The following DSCAM variants were observed in gnomAD, a reference collection of about 807,000 sequenced individuals.
DSCAM encodes DS cell adhesion molecule, also known as cell adhesion molecule DSCAM.
DSCAM carries 47 observed loss-of-function variants against 217.7 expected under a neutral mutation model. The observed-to-expected ratio is 0.22, with a 90% CI of 0.17 to 0.28. The LOEUF (loss-of-function observed/expected upper bound fraction) is 0.28, where lower values mean the gene tolerates loss of function less well. DSCAM is among the 10% of genes least tolerant of loss of function. The pLI is 1.00. For synonymous variants in DSCAM, 1,056 were observed against 1,015.3 expected (o/e 1.04, Z -0.76); for missense variants, 2,080 against 2,618.3 (o/e 0.79, Z 4.49).
At chr21:40,046,922 T>C (rs192778232) in intron 30 of DSCAM, among the ~76,000 whole-genome samples, 2 of 152,116 alleles carry the variant, frequency 1.3e-5, no homozygotes, top group South Asian at 2.1e-4. Context: ...CCTTTCCTCA[T>C]TGAGATCACC....
At chr21:40,472,238 C>T (rs1246981526) in intron 3 of DSCAM, among the ~76,000 whole-genome samples, 2 of 152,146 alleles carry the variant, frequency 1.3e-5, no homozygotes, top group Admixed American at 6.5e-5. Flanking sequence ...TGCATAAATA[C>T]GGTGAATGTG....
At chr21:40,316,765 G>A (rs962703252) in intron 8 of DSCAM, among the ~76,000 whole-genome samples, 17 of 152,068 alleles carry the variant, frequency 1.1e-4, no homozygotes, top group African/African-American at 4.1e-4. Context: ...GCAGCTCAGA[G>A]CCATTGAATA....
intron 1 of DSCAM, among the ~76,000 whole-genome samples, chr21:40,719,764 A>G (rs2090881669): frequency 6.6e-6 from 1 of 152,216 alleles, no homozygotes; most frequent in African/African-American, 2.4e-5. Context: ...TGATGTTGAG[A>G]GTCAGAATAA....
At chr21:40,569,167 CCCTTT>C (rs2076787125) in intron 3 of DSCAM, among the ~76,000 whole-genome samples, 1 of 152,184 alleles carries the variant, frequency 6.6e-6, no homozygotes, top group Non-Finnish European at 1.5e-5. Flanking sequence ...GGATTCACAG[CCCTTT>C]CATTTTCTTG....
At chr21:40,425,015 T>A (rs1177383685) in intron 3 of DSCAM, among the ~76,000 whole-genome samples, 3 of 152,072 alleles carry the variant, frequency 2.0e-5, no homozygotes, top group Non-Finnish European at 4.4e-5. Flanking sequence ...CAAGGATTGC[T>A]TGAACCTGGG....
chr21:40,105,616 TAA>T (rs2089809738), intron 20 of DSCAM, among the ~76,000 whole-genome samples: 1 of 152,200 alleles, frequency 6.6e-6, no homozygotes, highest in African/African-American at 2.4e-5. Context: ...TGCTGAACTG[TAA>T]GTCAATTAAA....
At chr21:40,088,213 C>T (rs1007059404) in intron 21 of DSCAM, among the ~76,000 whole-genome samples, 7 of 152,140 alleles carry the variant, frequency 4.6e-5, no homozygotes, top group African/African-American at 7.2e-5. Context: ...AGGAGCTCAC[C>T]CTCGATGGAT....
chr21:40,277,281 A>C (rs1326685962), intron 10 of DSCAM, among the ~76,000 whole-genome samples: 1 of 152,130 alleles, frequency 6.6e-6, no homozygotes, highest in Non-Finnish European at 1.5e-5. Context: ...CCTACACGGG[A>C]GCTGAACAAG....
chr21:40,184,317 G>GTGCT (rs1401605660), intron 14 of DSCAM, among the ~76,000 whole-genome samples: 1 of 152,170 alleles, frequency 6.6e-6, no homozygotes, highest in Non-Finnish European at 1.5e-5. Flanking sequence ...GTGAGTACAG[G>GTGCT]TGCTATCTAC....
chr21:40,561,949 A>G (rs1051292347), intron 3 of DSCAM, among the ~76,000 whole-genome samples: 3 of 152,212 alleles, frequency 2.0e-5, no homozygotes, highest in Non-Finnish European at 2.9e-5. Context: ...CATATTTTTC[A>G]TTATTAAAAA....
chr21:40,158,194 G>A (rs536831536), intron 16 of DSCAM, among the ~76,000 whole-genome samples: 1 of 152,070 alleles, frequency 6.6e-6, no homozygotes, highest in Non-Finnish European at 1.5e-5. Flanking sequence ...AGACCAGCCT[G>A]GGCAACATAG....
intron 11 of DSCAM, among the ~76,000 whole-genome samples, chr21:40,250,151 G>A (rs1248512614): frequency 6.6e-6 from 1 of 152,150 alleles, no homozygotes; most frequent in Non-Finnish European, 1.5e-5. Context: ...CAGGGTTCAG[G>A]CCAGTAGAAT....
At chr21:40,379,829 A>G (rs1028130712) in intron 3 of DSCAM, among the ~76,000 whole-genome samples, 1 of 152,222 alleles carries the variant, frequency 6.6e-6, no homozygotes, top group African/African-American at 2.4e-5. Context: ...TTGAGGGGGC[A>G]GAGCTCTCAC....
At chr21:40,466,210 G>T (rs531243638) in intron 3 of DSCAM, among the ~76,000 whole-genome samples, 1 of 152,316 alleles carries the variant, frequency 6.6e-6, no homozygotes, top group African/African-American at 2.4e-5. Flanking sequence ...GCGGCATGCA[G>T]CTGGATACAT....
Position 40,339,262 on chromosome 21 carries a change from A to G in DSCAM, c.1364T>C (p.Ile455Thr). The G allele has an allele frequency of 6.2e-7, 1 of 1,614,168 alleles. No individual in the cohort carries two copies. Among genetic ancestry groups the G allele is most frequent in the Non-Finnish European group, 8.5e-7 (1 of 1,180,034 alleles). ...CCCCTCCGACGTGATCATCTGGCTG[A>G]TGCGGTGACTGCCACCCTTGAGAAT... Reference protein sequence around the residue: ...DPILKGGSHRISQMITSEGNV... With the variant: ...DPILKGGSHRTSQMITSEGNV... Residue 455 changes from isoleucine to threonine, a missense_variant, in exon 7 of 33, where the codon ATC becomes ACC. This residue lies in a region of DSCAM where 568 missense variants were observed against 678.1 expected (regional missense o/e 0.84). Coordinates refer to ENST00000400454, the MANE Select transcript of DSCAM (RefSeq NM_001389.5).
intron 1 of DSCAM, among the ~76,000 whole-genome samples, chr21:40,821,139 T>TATATATAGATATATATATCTTCAC (rs1398748014): frequency 8.0e-5 from 12 of 149,582 alleles, no homozygotes; most frequent in African/African-American, 2.2e-4. Flanking sequence ...TATCTTCACA[T>TATATATAGATATATATATCTTCAC]ATATATATAT....
intron 18 of DSCAM, among the ~76,000 whole-genome samples, chr21:40,135,034 C>A (rs555622827): frequency 2.6e-5 from 4 of 152,314 alleles, no homozygotes; most frequent in African/African-American, 9.6e-5. Context: ...TGATACACGG[C>A]AATTTGAGAA....
intron 1 of DSCAM, among the ~76,000 whole-genome samples, chr21:40,815,666 T>C (rs937265016): frequency 1.2e-4 from 19 of 152,090 alleles, no homozygotes. Flanking sequence ...GTTATGGCCG[T>C]TTGCTTTGTT....
chr21:40,747,639 A>T (rs1340909668), intron 1 of DSCAM, among the ~76,000 whole-genome samples: 1 of 151,944 alleles, frequency 6.6e-6, no homozygotes, highest in Non-Finnish European at 1.5e-5. Flanking sequence ...AAGAAGATTT[A>T]CAACTAATCT....
Sources: gnomAD v4.1 joint callset for allele counts (sites outside exome capture counted in the v4.1 genomes callset) on GRCh38, gnomAD v4.1.1 for gene constraint, gnomAD v4.1.1 regional missense constraint, MANE v1.5 for transcripts, NCBI Gene and HGNC (gene_info 2026-07-23, HGNC 2026-07-21) for gene names.